Variants in CBFA2T3 observed in about 807,000 individuals in gnomAD.
CBFA2T3 encodes transcriptional corepressor CBFA2T3.
In CBFA2T3, 31 loss-of-function variants were observed where a neutral mutation model predicts 58.6. The ratio of observed to expected loss-of-function variants is 0.53; its 90% confidence interval spans 0.40 to 0.71. The LOEUF (loss-of-function observed/expected upper bound fraction) is 0.71. CBFA2T3 is among the 30% of genes least tolerant of loss of function. The pLI is 0.00. For missense variants in CBFA2T3, 1,076 were observed against 963.1 expected (o/e 1.12, Z -1.55); for synonymous variants, 531 against 421.9 (o/e 1.26, Z -3.17).
At chr16:88,959,587 C>T (rs532578432) in intron 1 of CBFA2T3, among the ~76,000 whole-genome samples, 2 of 152,262 alleles carry the variant, frequency 1.3e-5, no homozygotes, top group South Asian at 2.1e-4. Flanking sequence ...TGTGATGCTG[C>T]GATTGCCTGA....
intron 1 of CBFA2T3, among the ~76,000 whole-genome samples, chr16:88,928,527 C>G (rs996305867): frequency 6.6e-6 from 1 of 152,200 alleles, no homozygotes; most frequent in Non-Finnish European, 1.5e-5. Context: ...GCAGCCCAGC[C>G]GCTGTGCAAA....
intron 1 of CBFA2T3, among the ~76,000 whole-genome samples, chr16:88,912,148 C>T (rs569409533): frequency 3.3e-5 from 5 of 152,398 alleles, no homozygotes; most frequent in South Asian, 2.1e-4. Flanking sequence ...GGCCCACCCG[C>T]GCCTCCCCAA....
chr16:88,884,922 T>G, intron 7 of CBFA2T3, 124 bp downstream of exon 7: 2 of 670,776 alleles, frequency 3.0e-6, no homozygotes, highest in Non-Finnish European at 2.4e-6. Flanking sequence ...GGGGAAGGGG[T>G]CTCCCGAGCT....
At chr16:88,936,613 C>T (rs912182080) in intron 1 of CBFA2T3, among the ~76,000 whole-genome samples, 1 of 152,222 alleles carries the variant, frequency 6.6e-6, no homozygotes, top group Non-Finnish European at 1.5e-5. Context: ...GGGCGGGAAA[C>T]GCAGAGGCAG....
intron 1 of CBFA2T3, among the ~76,000 whole-genome samples, chr16:88,904,331 C>A (rs1970220227): frequency 6.6e-6 from 1 of 152,176 alleles, no homozygotes; most frequent in Non-Finnish European, 1.5e-5. Flanking sequence ...CCGAGACCCT[C>A]TGCGGCTGAT....
intron 1 of CBFA2T3, among the ~76,000 whole-genome samples, chr16:88,908,168 C>G (rs575996557): frequency 6.6e-6 from 1 of 152,090 alleles, no homozygotes; most frequent in Non-Finnish European, 1.5e-5. Flanking sequence ...ATGGTGAAAC[C>G]CCGTCTCTAC....
intron 1 of CBFA2T3, among the ~76,000 whole-genome samples, chr16:88,915,922 G>A (rs1321807575): frequency 1.3e-5 from 2 of 152,076 alleles, no homozygotes; most frequent in East Asian, 1.9e-4. Context: ...TATCCATTAG[G>A]CATGTGTGCG....
chr16:88,882,101 G>A (rs984074615), intron 8 of CBFA2T3, among the ~76,000 whole-genome samples: 13 of 152,244 alleles, frequency 8.5e-5, no homozygotes, highest in African/African-American at 1.9e-4. Flanking sequence ...TGGGCCTCTC[G>A]AGATGCCTGG....
intron 1 of CBFA2T3, among the ~76,000 whole-genome samples, chr16:88,974,674 G>C (rs923136447): frequency 5.3e-5 from 8 of 152,162 alleles, no homozygotes; most frequent in African/African-American, 1.9e-4. Flanking sequence ...GGCCTCAAAG[G>C]TTTTAGGAAC....
intron 1 of CBFA2T3, among the ~76,000 whole-genome samples, chr16:88,966,047 T>G (rs1175211731): frequency 6.6e-6 from 1 of 152,164 alleles, no homozygotes; most frequent in Non-Finnish European, 1.5e-5. Context: ...GAGTTCCCCC[T>G]GGGCCACTCC....
intron 1 of CBFA2T3, among the ~76,000 whole-genome samples, chr16:88,949,487 A>G (rs1971990659): frequency 6.6e-6 from 1 of 151,162 alleles, no homozygotes; most frequent in Non-Finnish European, 1.5e-5. Context: ...TGAACCCGGG[A>G]GGCGGAGGTT....
In CBFA2T3 at chr16:88,953,417, T is replaced by C. The variant is rs993236809; in HGVS notation, c.151+23240A>G. Among the ~76,000 whole-genome samples the C allele has an allele frequency of 6.6e-6, 1 of 152,174 alleles. No homozygotes were observed. The highest frequency in any genetic ancestry group is 1.5e-5 in the Non-Finnish European group (1 of 68,018). On this transcript the variant is annotated intron_variant, in intron 1 of 11. Coordinates refer to ENST00000268679, the MANE Select transcript of CBFA2T3 (RefSeq NM_005187.6). This position sits in a 1 kb window ranked among gnomAD's most constrained non-coding sequence, Gnocchi z 4.9. ...TGAGCTGGCCCTGCCCTGGAGACAC[T>C]GTGTCCAGAGGCCAGCATAGCCCTC...
intron 1 of CBFA2T3, among the ~76,000 whole-genome samples, chr16:88,920,443 A>AT (rs368094716): frequency 0.065 from 8,996 of 138,800 alleles, 354 homozygotes; most frequent in Non-Finnish European, 0.086. Flanking sequence ...TACCCGGCCA[A>AT]TTTTTTTTTT....
chr16:88,929,694 G>C (rs111775994), intron 1 of CBFA2T3, among the ~76,000 whole-genome samples: 1 of 64,766 alleles, frequency 1.5e-5, no homozygotes, highest in African/African-American at 4.9e-5. Context: ...CCACAGCTGC[G>C]TGGTCCACGC....
rs1239693460 is a variant in CBFA2T3 at position 88,875,719 on chromosome 16, C to T, written c.*1257G>A. 1.3e-5 allele frequency: 3 copies of T among 233,446 alleles called. No individual in the cohort carries two copies. The highest frequency in any genetic ancestry group is 2.5e-5 in the Non-Finnish European group (3 of 118,046). 14.5% of individuals were successfully genotyped at this position (233,446 alleles called of 1,614,324 possible). On this transcript the variant is annotated 3_prime_UTR_variant, in exon 12 of 12. Transcript: ENST00000268679. Reference sequence around the variant, plus strand: ...GTGTTTCAGGGAGGCCTGCTGGCTCCGCATGCTCGAAAAGCAGTCGAGAAT... The same window carrying T: ...GTGTTTCAGGGAGGCCTGCTGGCTCTGCATGCTCGAAAAGCAGTCGAGAAT...
intron 1 of CBFA2T3, among the ~76,000 whole-genome samples, chr16:88,967,574 G>A (rs1050333420): frequency 2.6e-5 from 4 of 152,136 alleles, no homozygotes; most frequent in African/African-American, 9.7e-5. Flanking sequence ...CCGCCCCCAG[G>A]TGGGGTGGCC....
chr16:88,964,405 AAT>A (rs956243001), intron 1 of CBFA2T3, among the ~76,000 whole-genome samples: 1 of 152,222 alleles, frequency 6.6e-6, no homozygotes, highest in African/African-American at 2.4e-5. Context: ...TTTGACTTTT[AAT>A]TTACTGCTGG....
intron 1 of CBFA2T3, among the ~76,000 whole-genome samples, chr16:88,928,123 C>T (rs1971146099): frequency 6.6e-6 from 1 of 151,908 alleles, no homozygotes; most frequent in South Asian, 2.1e-4. Context: ...CCATCACTGT[C>T]CCACGGGGCT....
intron 1 of CBFA2T3, among the ~76,000 whole-genome samples, chr16:88,916,077 C>A (rs1970709874): frequency 6.7e-6 from 1 of 150,176 alleles, no homozygotes; most frequent in African/African-American, 2.5e-5. Context: ...TGTATTCATG[C>A]ATGTGTGTAT....
Sources: gnomAD v4.1 joint callset for allele counts (sites outside exome capture counted in the v4.1 genomes callset) on GRCh38, gnomAD v4.1.1 for gene constraint, Gnocchi (gnomAD v3.1) non-coding constraint, MANE v1.5 for transcripts, NCBI Gene and HGNC (gene_info 2026-07-23, HGNC 2026-07-21) for gene names.